Variants in EBF3 observed in about 807,000 individuals in gnomAD.
EBF3 encodes the protein EBF transcription factor 3.
In EBF3, 18 loss-of-function variants were observed where a neutral mutation model predicts 77.1. The ratio of observed to expected loss-of-function variants is 0.23; its 90% CI spans 0.16 to 0.35. The LOEUF (loss-of-function observed/expected upper bound fraction) is 0.35, where lower values mean the gene tolerates loss of function less well. Ranked by LOEUF, EBF3 falls within the 10% of genes least tolerant of loss-of-function variation. The pLI, the probability that EBF3 is intolerant of heterozygous loss-of-function variation, is 1.00. For missense variants in EBF3, 558 were observed against 860.0 expected (o/e 0.65, Z 4.39); for synonymous variants, 350 against 343.5 (o/e 1.02, Z -0.21).
chr10:129,934,681 C>T (rs1857242459), intron 6 of EBF3, among the ~76,000 whole-genome samples: 1 of 152,196 alleles, frequency 6.6e-6, no homozygotes, highest in South Asian at 2.1e-4. Context: ...CAAGCTCCTG[C>T]TCCAGTTGGG....
chr10:129,915,460 A>G (rs1276237219), intron 6 of EBF3, among the ~76,000 whole-genome samples: 1 of 122,604 alleles, frequency 8.2e-6, no homozygotes, highest in Admixed American at 9.2e-5. Context: ...GCGCGCACAC[A>G]TGCACACACA....
In EBF3 at chr10:129,870,238, G is replaced by A. The variant is rs1208307705; in HGVS notation, c.782-2326C>T. ...ATACATTTCAGTGCACATATAGAGA[G>A]GGAACATGTGTTCAATGGGAACCAT... On this transcript the variant is annotated intron_variant, in intron 8 of 16. Transcript: ENST00000440978. The surrounding 1 kb of genome is among the most constrained non-coding windows in gnomAD (Gnocchi z 4.4). 6.6e-6 allele frequency among the ~76,000 whole-genome samples: 1 copy of A among 152,082 alleles called. No homozygotes were observed. The highest frequency in any genetic ancestry group is 1.5e-5 in the Non-Finnish European group (1 of 68,028).
At chr10:129,851,549 C>CTGAAAAAAA in intron 10 of EBF3, among the ~76,000 whole-genome samples, 3 of 152,204 alleles carry the variant, frequency 2.0e-5, no homozygotes, top group Admixed American at 2.0e-4. Flanking sequence ...ATACGTTTCT[C>CTGAAAAAAA]AAAATTTTGA....
At chr10:129,855,845 A>G (rs1243364864) in intron 10 of EBF3, among the ~76,000 whole-genome samples, 1 of 152,264 alleles carries the variant, frequency 6.6e-6, no homozygotes, top group Non-Finnish European at 1.5e-5. Flanking sequence ...AGAACCAAAC[A>G]GGAAATCTAA....
rs569372093 is a variant in EBF3 at position 129,909,333 on chromosome 10, G to A, written c.555-31484C>T. Among the ~76,000 whole-genome samples, 17 of 152,324 alleles carry A rather than the reference G, an allele frequency of 1.1e-4. No individual in the cohort carries two copies. The South Asian group carries it at 3.5e-3, about 32-fold the overall frequency. ...AAACCACAGGCAATTCACACCAGCA[G>A]CTCCTTCCTGGACGCCCTTCCTGTG... On this transcript the variant is annotated intron_variant, in intron 6 of 16. Transcript: ENST00000440978.
intron 6 of EBF3, among the ~76,000 whole-genome samples, chr10:129,924,936 T>A (rs1403667559): frequency 6.6e-6 from 1 of 152,190 alleles, no homozygotes; most frequent in Non-Finnish European, 1.5e-5. Context: ...AGCGCCGAGA[T>A]GACAGGCATG....
Position 129,963,238 on chromosome 10 carries a change from T to TGGC in EBF3, c.291+126_291+128dup. 7.5e-7 allele frequency: 1 copy of TGGC among 1,338,638 alleles called. No homozygotes were observed. The highest frequency in any genetic ancestry group is 9.8e-7 in the Non-Finnish European group (1 of 1,021,588). 82.9% of individuals were successfully genotyped at this position (1,338,638 alleles called of 1,614,324 possible). ...CTCGGCGGTCCCGGGCGGCCGCACG[T>TGGC]GGCGGCGGCGGGGTGGCCTGGCGGA... On this transcript the variant is annotated intron_variant, in intron 2 of 16. Coordinates refer to ENST00000440978, the MANE Select transcript of EBF3 (RefSeq NM_001375380.1). The surrounding 1 kb of genome is among the most constrained non-coding windows in gnomAD (Gnocchi z 7.1).
In EBF3 at chr10:129,959,115, G is replaced by A. The variant is rs1859274350; in HGVS notation, c.412-108C>T. ...CTGGCAGCAGGTGCACCACGCTCGA[G>A]GGGAGGCGATGCGCCCCCCTCCCTC... On this transcript the variant is annotated intron_variant, in intron 4 of 16. Transcript: ENST00000440978. 9 of 1,380,956 alleles carry A rather than the reference G, an allele frequency of 6.5e-6. No individual in the cohort carries two copies. In the South Asian group the frequency reaches 8.6e-5, roughly 13 times the overall value. The allele number at this position is 1,380,956 out of a possible 1,614,324, so 85.5% of individuals were successfully genotyped here. A position where few individuals can be genotyped will look rare whatever the true frequency, so the allele number is the denominator to read the frequency against.
At chr10:129,906,444 G>A (rs1855149689) in intron 6 of EBF3, among the ~76,000 whole-genome samples, 3 of 152,180 alleles carry the variant, frequency 2.0e-5, no homozygotes, top group South Asian at 2.1e-4. Flanking sequence ...GCCCTGTACA[G>A]GAGCCCTCTT....
chr10:129,958,383 A>G, intron 5 of EBF3, among the ~76,000 whole-genome samples: 1 of 152,192 alleles, frequency 6.6e-6, no homozygotes, highest in East Asian at 1.9e-4. Context: ...GGTAGTTAGA[A>G]AAAACAGGTG....
intron 6 of EBF3, among the ~76,000 whole-genome samples, chr10:129,915,328 C>T (rs956970191): frequency 1.3e-5 from 2 of 152,182 alleles, no homozygotes; most frequent in Non-Finnish European, 2.9e-5. Context: ...CTCTTGTTGG[C>T]ATCTGGGACA....
At chr10:129,866,766 G>A (rs1429988942) in intron 10 of EBF3, among the ~76,000 whole-genome samples, 2 of 152,226 alleles carry the variant, frequency 1.3e-5, no homozygotes, top group African/African-American at 4.8e-5. Flanking sequence ...AAGAGGCATA[G>A]AGACCGGTGG....
In EBF3 at chr10:129,938,193, C is replaced by T. The variant is rs959366520; in HGVS notation, c.554+19065G>A. Among the ~76,000 whole-genome samples, 5 of 152,054 alleles carry T rather than the reference C, an allele frequency of 3.3e-5. No homozygotes were observed. Among genetic ancestry groups the T allele is most frequent in the Admixed American group, 6.5e-5 (1 of 15,272 alleles). On this transcript the variant is annotated intron_variant, in intron 6 of 16. Transcript: ENST00000440978. This position sits in a 1 kb window ranked among gnomAD's most constrained non-coding sequence, Gnocchi z 5.1. ...CGCATGAGGCTTCATCAGTGAGCCC[C>T]TCTGGTACACAGACTGCTCTGTTCT...
intron 6 of EBF3, among the ~76,000 whole-genome samples, chr10:129,936,718 G>A (rs1304233127): frequency 4.0e-5 from 6 of 150,326 alleles, no homozygotes; most frequent in Admixed American, 2.6e-4. Flanking sequence ...CCTCAGCTGT[G>A]TGGGGACCCA....
intron 6 of EBF3, among the ~76,000 whole-genome samples, chr10:129,955,542 G>C (rs936578280): frequency 1.3e-5 from 2 of 152,124 alleles, no homozygotes; most frequent in South Asian, 2.1e-4. Flanking sequence ...ACAACATTCA[G>C]ACGAGAATTA....
intron 6 of EBF3, among the ~76,000 whole-genome samples, chr10:129,920,459 G>A (rs1328369013): frequency 2.0e-5 from 3 of 152,186 alleles, no homozygotes; most frequent in Non-Finnish European, 2.9e-5. Flanking sequence ...CACCAAGGGC[G>A]GGGGCGGCAC....
At chr10:129,881,620 A>T (rs1853219662) in intron 6 of EBF3, among the ~76,000 whole-genome samples, 1 of 152,144 alleles carries the variant, frequency 6.6e-6, no homozygotes, top group Admixed American at 6.5e-5. Context: ...GTGCACAGGG[A>T]CTAGGACAGG....
In EBF3 at chr10:129,848,414, C is replaced by T; in HGVS notation, c.1106G>A (p.Gly369Asp). 1 of 1,614,222 alleles carries T rather than the reference C, an allele frequency of 6.2e-7. No homozygotes were observed. The highest frequency in any genetic ancestry group is 2.2e-5 in the East Asian group (1 of 44,884). The change falls in exon 11 of 17, where the codon GGT becomes GAT. Residue 369 changes from glycine to aspartate, a missense_variant. Physicochemically the swap from Gly to Asp is moderately conservative, Grantham distance 94. Around this residue, in one of 5 missense-constraint regions of EBF3, gnomAD observed 284 missense variants for 368.3 expected, o/e 0.77. Transcript: ENST00000440978. This position sits in a 1 kb window ranked among gnomAD's most constrained non-coding sequence, Gnocchi z 4.4. ...AACCTTGGGTAACCTTTCGGGATCA[C>T]CCGGATGTCTTGGGATCACTTTCTG... ...RLQKVIPRHP[G>D]DPERLPKEVL...
rs1853492972 is a variant in EBF3, at chr10:129,885,286, G to A, written c.555-7437C>T. On this transcript the variant is annotated intron_variant, in intron 6 of 16. Transcript: ENST00000440978. The surrounding 1 kb of genome is among the most constrained non-coding windows in gnomAD (Gnocchi z 4.0). ...CAGATCCCCGCCAAGTCCTCCGTTT[G>A]GAGAAATTTGTATGACTCGCATTAA... Among the ~76,000 whole-genome samples, 1 of 152,118 alleles carries A rather than the reference G, an allele frequency of 6.6e-6. No individual in the cohort carries two copies. Among genetic ancestry groups the A allele is most frequent in the African/African-American group, 2.4e-5 (1 of 41,414 alleles).
Sources: gnomAD v4.1 joint callset for allele counts (sites outside exome capture counted in the v4.1 genomes callset) on GRCh38, gnomAD v4.1.1 for gene constraint, gnomAD v4.1.1 regional missense constraint, Gnocchi (gnomAD v3.1) non-coding constraint, MANE v1.5 for transcripts, NCBI Gene and HGNC (gene_info 2026-07-23, HGNC 2026-07-21) for gene names.